Variants in RASL12 observed in about 807,000 individuals in gnomAD.
RASL12 encodes the protein ras-like protein family member 12.
RASL12 carries 16 observed loss-of-function variants against 22.9 expected under a neutral mutation model. The observed-to-expected ratio is 0.70, with a 90% confidence interval of 0.47 to 1.06. The LOEUF (loss-of-function observed/expected upper bound fraction) is 1.06. Ranked by LOEUF, RASL12 falls within the 50% of genes least tolerant of loss-of-function variation. RASL12 has a pLI of 0.00. For missense variants in RASL12, 306 were observed against 353.1 expected, an observed-to-expected ratio of 0.87 and a Z score of 1.07; for synonymous variants, 159 against 152.2, an observed-to-expected ratio of 1.04 and a Z score of -0.33.
In RASL12 at chr15:65,054,598, T is replaced by C; in HGVS notation, c.*301A>G. 1 of 1,231,892 alleles carries C rather than the reference T, an allele frequency of 8.1e-7. No homozygotes were observed. The highest frequency in any genetic ancestry group is 1.5e-5 in the African/African-American group (1 of 66,614). The allele number at this position is 1,231,892 out of a possible 1,614,324, so 76.3% of individuals were successfully genotyped here. On this transcript the variant is annotated 3_prime_UTR_variant, in exon 5 of 5. Coordinates refer to ENST00000220062, the MANE Select transcript of RASL12 (RefSeq NM_016563.4). ...GCAGGAAGGGCTGATGGCAGCAGGA[T>C]AGACACTGCAATTTCTTCCTACTTA...
At chr15:65,052,459 G>C (rs941567075), downstream of RASL12, among the ~76,000 whole-genome samples, 11 of 145,382 alleles carry the variant, frequency 7.6e-5, no homozygotes, top group Non-Finnish European at 1.2e-4. Context: ...GGAGTGCAGT[G>C]GCACAATCTC....
intron 2 of RASL12, among the ~76,000 whole-genome samples, chr15:65,063,922 T>A (rs1188300097): frequency 6.6e-6 from 1 of 152,284 alleles, no homozygotes; most frequent in African/African-American, 2.4e-5. Flanking sequence ...GGGTTTCCAC[T>A]GTGTCACAAA....
downstream of RASL12, chr15:65,051,384 C>A: frequency 1.2e-6 from 1 of 807,090 alleles, no homozygotes; most frequent in Non-Finnish European, 2.1e-6. Context: ...AGGGGCCCAT[C>A]TTTGATTAGG....
Position 65,055,104 on chromosome 15 carries a change from G to A in RASL12, c.596C>T (p.Ser199Phe), listed in dbSNP as rs1275666394. The A allele has an allele frequency of 6.2e-7, 1 of 1,611,334 alleles. No homozygotes were observed. The change falls in exon 5 of 5, where the codon TCC becomes TTC. Residue 199 changes from serine (S) to phenylalanine (F), a missense_variant. Ser to Phe is a radical substitution (Grantham distance 155). Transcript: ENST00000220062. ...KSPLTRPLFI[S>F]EERALPHQAP... ...CTGGTGGGGCAGGGCCCTCTCCTCGGAGATGAAGAGGGGCCGGGTCAGGGG... is the reference window on the plus strand; with the variant it reads ...CTGGTGGGGCAGGGCCCTCTCCTCGAAGATGAAGAGGGGCCGGGTCAGGGG...
chr15:65,054,621 T>A lies in RASL12; in HGVS notation c.*278A>T, dbSNP rs936778451. The A allele has an allele frequency of 6.9e-6, 9 of 1,310,964 alleles. No homozygotes were observed. Among genetic ancestry groups the A allele is most frequent in the Non-Finnish European group, 8.8e-6 (9 of 1,026,464 alleles). The allele number at this position is 1,310,964 out of a possible 1,614,324, so 81.2% of individuals were successfully genotyped here. On this transcript the variant is annotated 3_prime_UTR_variant, in exon 5 of 5. Transcript: ENST00000220062. ...GATAGACACTGCAATTTCTTCCTAC[T>A]TAAGGCTGACCCCAGGTCTCTGGGT... is the stretch of plus-strand genomic sequence containing the variant.
chr15:65,068,068 G>C (rs536040890), upstream of RASL12: 1 of 1,081,334 alleles, frequency 9.2e-7, no homozygotes, highest in South Asian at 4.5e-5. This position sits in a 1 kb window ranked among gnomAD's most constrained non-coding sequence, Gnocchi z 4.2. Context: ...TCCTTGTAAG[G>C]GCTGCGGAGC....
intron 2 of RASL12, among the ~76,000 whole-genome samples, chr15:65,062,439 C>A (rs555711560): frequency 6.6e-6 from 1 of 152,320 alleles, no homozygotes; most frequent in African/African-American, 2.4e-5. Flanking sequence ...CTGCTCCTAG[C>A]GGAGAGCAAC....
chr15:65,056,824 G>GATTC (rs2140516887), intron 4 of RASL12, among the ~76,000 whole-genome samples: 1 of 152,298 alleles, frequency 6.6e-6, no homozygotes, highest in South Asian at 2.1e-4. Context: ...GAATGAAATA[G>GATTC]GAATACATTG....
At chr15:65,072,194 G>C (rs2086936661), upstream of RASL12, among the ~76,000 whole-genome samples, 1 of 152,162 alleles carries the variant, frequency 6.6e-6, no homozygotes, top group South Asian at 2.1e-4. Flanking sequence ...TATTCATGGG[G>C]ACTTCTGCCC....
chr15:65,065,857 G>A (rs1286519360), intron 1 of RASL12, among the ~76,000 whole-genome samples: 3 of 151,998 alleles, frequency 2.0e-5, no homozygotes, highest in Non-Finnish European at 2.9e-5. Context: ...GCTTTCTCTG[G>A]GGCCTCTACA....
intron 1 of RASL12, among the ~76,000 whole-genome samples, chr15:65,075,951 C>T (rs948966916): frequency 9.9e-5 from 15 of 151,492 alleles, no homozygotes; most frequent in Non-Finnish European, 1.8e-4. Context: ...GTGCACCAGT[C>T]GACACTCTGT....
chr15:65,054,048 C>G lies in RASL12; in HGVS notation c.*851G>C, dbSNP rs973957026. The G allele has an allele frequency of 1.0e-5, 10 of 985,786 alleles. No homozygotes were observed. Among genetic ancestry groups the G allele is most frequent in the Non-Finnish European group, 1.2e-5 (10 of 829,988 alleles). The allele number at this position is 985,786 out of a possible 1,614,324, so 61.1% of individuals were successfully genotyped here. A position where few individuals can be genotyped will look rare whatever the true frequency, so the allele number is the denominator to read the frequency against. ...ACCTGCAGGGGGGCAGGCCCTGTAG[C>G]CCCTGGATGGGTCTGATGCTGCTGT... is the stretch of plus-strand genomic sequence containing the variant. On this transcript the variant is annotated 3_prime_UTR_variant, in exon 5 of 5. Transcript: ENST00000220062.
downstream of RASL12, among the ~76,000 whole-genome samples, chr15:65,048,925 G>C (rs960166207): frequency 6.7e-6 from 1 of 149,430 alleles, no homozygotes; most frequent in Admixed American, 6.7e-5. Context: ...CAGGAGAATC[G>C]CTTGAACCTG....
rs752920822 is a variant in RASL12 at position 65,055,299 on chromosome 15, G to A, written c.426-25C>T. 101 of 1,516,784 alleles carry A rather than the reference G, an allele frequency of 6.7e-5. 1 individual carries two copies. The South Asian group carries it at 8.4e-4, about 13-fold the overall frequency. The allele number at this position is 1,516,784 out of a possible 1,614,324, so 94.0% of individuals were successfully genotyped here. A position where few individuals can be genotyped will look rare whatever the true frequency, so the allele number is the denominator to read the frequency against. ...CCTGGTGAGGAAGCAGTGTGAGGCA[G>A]GGAGTTAGGAGCAGGCTGTGCCAAG... On this transcript the variant is annotated intron_variant, in intron 4 of 4. Coordinates refer to ENST00000220062, the MANE Select transcript of RASL12 (RefSeq NM_016563.4).
At chr15:65,066,112 AAGAAAG>A (rs2086875841) in intron 1 of RASL12, among the ~76,000 whole-genome samples, 1 of 151,512 alleles carries the variant, frequency 6.6e-6, no homozygotes, top group African/African-American at 2.4e-5. Context: ...AGAAAGAAAG[AAGAAAG>A]AGAGAGAAAG....
chr15:65,056,993 C>T (rs1595904193), intron 4 of RASL12, among the ~76,000 whole-genome samples: 1 of 152,182 alleles, frequency 6.6e-6, no homozygotes, highest in East Asian at 1.9e-4. Context: ...GGCCTACTCA[C>T]AATCCAGTCT....
intron 1 of RASL12, among the ~76,000 whole-genome samples, chr15:65,065,894 T>C (rs902376073): frequency 2.6e-5 from 4 of 152,174 alleles, no homozygotes; most frequent in South Asian, 4.1e-4. Context: ...CAGCAGAATG[T>C]AAAACTCAAG....
At chr15:65,075,122 T>A (rs953644515) in intron 1 of RASL12, among the ~76,000 whole-genome samples, 1 of 152,206 alleles carries the variant, frequency 6.6e-6, no homozygotes, top group Admixed American at 6.5e-5. Context: ...CTCGGAGCAG[T>A]CAGCCAGCCC....
downstream of RASL12, chr15:65,053,281 T>G: frequency 6.9e-7 from 1 of 1,442,396 alleles, no homozygotes; most frequent in Non-Finnish European, 9.1e-7. Flanking sequence ...TCTTTTTCTT[T>G]CTTTCTTTTT....
Sources: allele counts gnomAD v4.1 joint callset (sites outside exome capture counted in the v4.1 genomes callset), GRCh38; gene constraint gnomAD v4.1.1; non-coding constraint Gnocchi (gnomAD v3.1); transcripts MANE v1.5; gene names NCBI Gene and HGNC (gene_info 2026-07-23, HGNC 2026-07-21).